Variants in ZNF124 observed in about 807,000 individuals in gnomAD.
ZNF124 encodes the protein zinc finger protein 124, also known as zinc finger protein HZF-16.
ZNF124 carries 25 observed loss-of-function variants against 26.6 expected under a neutral mutation model. The ratio of observed to expected loss-of-function variants is 0.94; its 90% CI spans 0.68 to 1.31. ZNF124 has a LOEUF of 1.31. ZNF124 is among the 40% of genes most tolerant of loss of function. ZNF124 has a pLI of 0.00. For missense variants in ZNF124, 444 were observed against 422.2 expected (o/e 1.05, Z -0.45); for synonymous variants, 129 against 133.3 (o/e 0.97, Z 0.22).
At chr1:247,146,917 TAGG>T (rs1183638231) in intron 3 of ZNF124, among the ~76,000 whole-genome samples, 1 of 152,108 alleles carries the variant, frequency 6.6e-6, no homozygotes, top group Non-Finnish European at 1.5e-5. Context: ...CTTCTGAGGT[TAGG>T]AGGTGACTAG....
At chr1:247,151,949 A>G (rs1051928279), downstream of ZNF124, among the ~76,000 whole-genome samples, 5 of 152,084 alleles carry the variant, frequency 3.3e-5, no homozygotes, top group African/African-American at 9.7e-5. Flanking sequence ...AAAGTGACCT[A>G]TGCTGTTAGA....
At chr1:247,141,735 G>C (rs1004547208) in intron 3 of ZNF124, among the ~76,000 whole-genome samples, 4 of 152,162 alleles carry the variant, frequency 2.6e-5, no homozygotes, top group Non-Finnish European at 4.4e-5. Context: ...GAGAAGACCT[G>C]TGATGCCTGC....
At position 247,155,455 on chromosome 1, in the gene ZNF124, A is replaced by G. The variant is rs1673072642; in HGVS notation, c.*1111T>C. The stretch of plus-strand genomic sequence containing the variant: ...AAGGAAAAGAAATACATTTCAATTT[A>G]CCCATATAACCAACACACTTTAAAA... On this transcript the variant is annotated 3_prime_UTR_variant, in exon 4 of 4. Transcript: ENST00000543802. Among the ~76,000 whole-genome samples the G allele has an allele frequency of 6.6e-6, 1 of 152,188 alleles. No individual in the cohort carries two copies.
chr1:247,158,943 C>T, intron 3 of ZNF124, 63 bp downstream of exon 3: 1 of 1,492,614 alleles, frequency 6.7e-7, no homozygotes, highest in Admixed American at 1.9e-5. Context: ...TTGCTTTAAA[C>T]ATATGATTAT....
chr1:247,156,119 T>G lies in ZNF124; in HGVS notation c.*447A>C. 3 of 985,510 alleles carry G rather than the reference T, an allele frequency of 3.0e-6. No homozygotes were observed. Among genetic ancestry groups the G allele is most frequent in the Non-Finnish European group, 2.4e-6 (2 of 829,710 alleles). The allele number at this position is 985,510 out of a possible 1,614,324, so 61.0% of individuals were successfully genotyped here. Reference sequence around the variant, plus strand: ...TGACCTTTAAAGTAATTGTTAAAATTCAGAATTTTCTGTATTTCTAGGATT... The same window carrying G: ...TGACCTTTAAAGTAATTGTTAAAATGCAGAATTTTCTGTATTTCTAGGATT... On this transcript the variant is annotated 3_prime_UTR_variant, in exon 4 of 4. Transcript: ENST00000543802.
intron 3 of ZNF124, chr1:247,123,948 A>C (rs926658453): frequency 4.3e-6 from 3 of 700,780 alleles, no homozygotes; most frequent in Non-Finnish European, 7.8e-6. Flanking sequence ...GCCCTTTGTG[A>C]TGTGCTTTTA....
chr1:247,151,812 A>G (rs576004818), downstream of ZNF124, among the ~76,000 whole-genome samples: 3 of 148,720 alleles, frequency 2.0e-5, no homozygotes, highest in African/African-American at 4.9e-5. Context: ...ACAGAATTCA[A>G]TGCTAAAAAA....
intron 1 of ZNF124, among the ~76,000 whole-genome samples, chr1:247,162,319 C>G (rs1673524504): frequency 6.6e-6 from 1 of 152,088 alleles, no homozygotes; most frequent in African/African-American, 2.4e-5. Flanking sequence ...AAATGACAAG[C>G]TGGATAGAGA....
At chr1:247,151,489 A>C (rs1194076907), downstream of ZNF124, among the ~76,000 whole-genome samples, 7 of 151,970 alleles carry the variant, frequency 4.6e-5, no homozygotes, top group East Asian at 1.9e-4. Context: ...AAAAAAAAAA[A>C]AAAAAACCAT....
chr1:247,159,644 T>C, intron 2 of ZNF124, 43 bp downstream of exon 2: 2 of 1,595,328 alleles, frequency 1.3e-6, no homozygotes, highest in Non-Finnish European at 1.7e-6. Context: ...CATGAAACAC[T>C]TACTTTCTGA....
chr1:247,125,678 G>A (rs960657998), intron 3 of ZNF124, among the ~76,000 whole-genome samples: 9 of 74,632 alleles, frequency 1.2e-4, no homozygotes, highest in Admixed American at 7.0e-4. Flanking sequence ...GATCGGCGCC[G>A]GCGCCGATTA....
intron 3 of ZNF124, among the ~76,000 whole-genome samples, chr1:247,158,070 T>A (rs904285805): frequency 1.3e-5 from 2 of 151,840 alleles, no homozygotes; most frequent in Non-Finnish European, 2.9e-5. Flanking sequence ...GCCAACATGG[T>A]GAAATGCTGT....
rs1673920638 is a variant in ZNF124, at chr1:247,168,704, C to T, written c.30+3144G>A. On this transcript the variant is annotated intron_variant, in intron 1 of 3. Transcript: ENST00000543802. This position sits in a 1 kb window ranked among gnomAD's most constrained non-coding sequence, Gnocchi z 4.0. Reference sequence around the variant, plus strand: ...AAAAGGAATGAAATAATGGGCTTTGCAGCAACTTGGATGGAAATGGAGGCA... The same window carrying T: ...AAAAGGAATGAAATAATGGGCTTTGTAGCAACTTGGATGGAAATGGAGGCA... Among the ~76,000 whole-genome samples the T allele has an allele frequency of 1.3e-5, 2 of 152,246 alleles. No homozygotes were observed. Among genetic ancestry groups the T allele is most frequent in the South Asian group, 4.1e-4 (2 of 4,822 alleles).
chr1:247,130,513 T>G (rs1672324789), intron 3 of ZNF124, among the ~76,000 whole-genome samples: 1 of 152,254 alleles, frequency 6.6e-6, no homozygotes, highest in Non-Finnish European at 1.5e-5. Flanking sequence ...CTCTGTTTCC[T>G]GTTACCTGGA....
At chr1:247,162,986 C>G (rs1673571261) in intron 1 of ZNF124, among the ~76,000 whole-genome samples, 1 of 152,176 alleles carries the variant, frequency 6.6e-6, no homozygotes, top group Non-Finnish European at 1.5e-5. Context: ...AATATACATT[C>G]TTCTCAGCTG....
exon 4 of ZNF124, chr1:247,122,654 C>G (rs1188389078): frequency 6.6e-6 from 1 of 152,302 alleles, no homozygotes. Context: ...GCAATCCTCC[C>G]ACCTCAGCCT....
At chr1:247,146,896 C>T (rs1393380727) in intron 3 of ZNF124, among the ~76,000 whole-genome samples, 3 of 141,420 alleles carry the variant, frequency 2.1e-5, no homozygotes, top group African/African-American at 5.1e-5. Context: ...AGAACAGGTA[C>T]CGGGGGGTAG....
intron 3 of ZNF124, among the ~76,000 whole-genome samples, chr1:247,125,628 C>A (rs1029407651): frequency 2.0e-5 from 3 of 151,746 alleles, no homozygotes; most frequent in African/African-American, 7.3e-5. Flanking sequence ...GACGGGGTTT[C>A]ACCACATTCG....
At chr1:247,127,949 G>A (rs1272998291) in intron 3 of ZNF124, among the ~76,000 whole-genome samples, 6 of 152,072 alleles carry the variant, frequency 3.9e-5, no homozygotes, top group Non-Finnish European at 2.9e-5. Context: ...ATTTCCACAA[G>A]GGTACTGGTT....
Sources: allele counts gnomAD v4.1 joint callset (sites outside exome capture counted in the v4.1 genomes callset), GRCh38; gene constraint gnomAD v4.1.1; non-coding constraint Gnocchi (gnomAD v3.1); transcripts MANE v1.5; gene names NCBI Gene and HGNC (gene_info 2026-07-23, HGNC 2026-07-21).